The following PARD3 variants were observed in gnomAD, a reference collection of about 807,000 sequenced individuals.
PARD3 encodes partitioning defective 3 homolog.
Under a neutral mutation model 155.4 loss-of-function variants are expected in PARD3, and 75 were observed. That is an observed-to-expected ratio of 0.48 (90% CI 0.40 to 0.58). PARD3 has a LOEUF of 0.58. PARD3 is among the 20% of genes least tolerant of loss of function. PARD3 has a pLI of 0.00. For missense variants in PARD3, 1,642 were observed against 1,721.7 expected (o/e 0.95, Z 0.82); for synonymous variants, 576 against 610.5 (o/e 0.94, Z 0.83).
intron 19 of PARD3, among the ~76,000 whole-genome samples, chr10:34,328,334 G>A (rs530011992): frequency 1.2e-3 from 183 of 152,204 alleles, no homozygotes; most frequent in Non-Finnish European, 1.8e-3. Context: ...TTTTCCACAT[G>A]GGCCTCGCAA....
At chr10:34,454,267 G>A (rs2132846874) in intron 4 of PARD3, among the ~76,000 whole-genome samples, 1 of 152,006 alleles carries the variant, frequency 6.6e-6, no homozygotes, top group South Asian at 2.1e-4. Flanking sequence ...AGGACTGTAG[G>A]CCTGTAAAGC....
At chr10:34,301,367 C>T (rs183028147) in intron 20 of PARD3, among the ~76,000 whole-genome samples, 3 of 152,262 alleles carry the variant, frequency 2.0e-5, no homozygotes, top group Admixed American at 2.0e-4. Context: ...AAAACACATC[C>T]TTGCTTTAAT....
intron 5 of PARD3, among the ~76,000 whole-genome samples, chr10:34,435,038 C>T (rs1004357373): frequency 2.6e-5 from 4 of 152,096 alleles, no homozygotes; most frequent in Non-Finnish European, 4.4e-5. Context: ...TATCAGGGAA[C>T]GGTAAAAGAC....
chr10:34,407,825 C>T (rs1844649136), intron 5 of PARD3, among the ~76,000 whole-genome samples: 1 of 137,728 alleles, frequency 7.3e-6, no homozygotes, highest in Admixed American at 7.3e-5. Context: ...CAGAGTGAGT[C>T]CTTATGCCTA....
chr10:34,378,391 T>A (rs1841470323), intron 9 of PARD3, among the ~76,000 whole-genome samples: 1 of 152,158 alleles, frequency 6.6e-6, no homozygotes, highest in Non-Finnish European at 1.5e-5. Context: ...AGTTTTTAAA[T>A]CAATGTAAAT....
At chr10:34,263,251 A>G (rs2891436) in intron 22 of PARD3, among the ~76,000 whole-genome samples, 12 of 152,014 alleles carry the variant, frequency 7.9e-5, no homozygotes, top group Non-Finnish European at 1.5e-4. Context: ...GAAGTGCTTT[A>G]TATGTCATTA....
chr10:34,588,603 A>C (rs1181758501), intron 2 of PARD3, among the ~76,000 whole-genome samples: 1 of 152,124 alleles, frequency 6.6e-6, no homozygotes, highest in Admixed American at 6.5e-5. Context: ...CCTGTAAGCC[A>C]TCAGGGAGTT....
intron 1 of PARD3, among the ~76,000 whole-genome samples, chr10:34,743,627 T>G (rs959343815): frequency 2.0e-5 from 3 of 152,176 alleles, no homozygotes; most frequent in African/African-American, 7.2e-5. Context: ...AAAATCTGCT[T>G]TCTCGAGCCA....
chr10:34,265,921 G>A (rs1016403219), intron 22 of PARD3, among the ~76,000 whole-genome samples: 1 of 152,180 alleles, frequency 6.6e-6, no homozygotes, highest in Non-Finnish European at 1.5e-5. Context: ...AAAGGGATGG[G>A]CAAGACTGTG....
chr10:34,566,862 A>T (rs1022141421), intron 2 of PARD3, among the ~76,000 whole-genome samples: 2 of 152,210 alleles, frequency 1.3e-5, no homozygotes, highest in African/African-American at 4.8e-5. Context: ...ATAAGAATAT[A>T]TCTTTAAGTG....
intron 22 of PARD3, among the ~76,000 whole-genome samples, chr10:34,182,453 T>C (rs1281471724): frequency 1.3e-5 from 2 of 152,232 alleles, no homozygotes; most frequent in African/African-American, 2.4e-5. Context: ...AGAATTCATA[T>C]ACCATTGATT....
At chr10:34,490,390 CAGAGAGAGAG>C (rs57588434) in intron 3 of PARD3, among the ~76,000 whole-genome samples, 1 of 149,634 alleles carries the variant, frequency 6.7e-6, no homozygotes, top group Non-Finnish European at 1.5e-5. Flanking sequence ...GGGCACATTA[CAGAGAGAGAG>C]AGAGAGAGAC....
chr10:34,313,038 C>T (rs958148920), intron 20 of PARD3, among the ~76,000 whole-genome samples: 1 of 152,290 alleles, frequency 6.6e-6, no homozygotes, highest in Admixed American at 6.5e-5. Flanking sequence ...GGCTGCTTTC[C>T]TTTAAAAACG....
Position 34,399,362 on chromosome 10 carries a change from G to T in PARD3, c.858C>A (p.Ile286=). 6.2e-7 allele frequency: 1 copy of T among 1,611,738 alleles called. No individual in the cohort carries two copies. Among genetic ancestry groups the T allele is most frequent in the Non-Finnish European group, 8.5e-7 (1 of 1,177,900 alleles). ...CTCGAGCACTGAAAGGCACTACGTG[G>T]ATTCCCAGAGGCCCTCCATCGTTGG... ...EVPNDGGPLG[I]HVVPFSARGG... is the part of the protein sequence containing the mutation. Residue 286 remains isoleucine (I), a synonymous_variant, in exon 7 of 25, where the codon ATC becomes ATA. Transcript: ENST00000374788.
intron 1 of PARD3, among the ~76,000 whole-genome samples, chr10:34,797,440 C>CAGGTG (rs1246838652): frequency 1.3e-5 from 2 of 152,216 alleles, no homozygotes; most frequent in Non-Finnish European, 2.9e-5. Flanking sequence ...GCGTGAGGCA[C>CAGGTG]CGCACCTGGC....
At chr10:34,649,181 A>C (rs1421005038) in intron 2 of PARD3, among the ~76,000 whole-genome samples, 1 of 152,202 alleles carries the variant, frequency 6.6e-6, no homozygotes, top group Non-Finnish European at 1.5e-5. Flanking sequence ...CACAGGACTC[A>C]CACCTGTAAT....
chr10:34,374,000 A>AGCTAAGAG (rs1564640518), intron 11 of PARD3, among the ~76,000 whole-genome samples: 1 of 151,410 alleles, frequency 6.6e-6, no homozygotes, highest in East Asian at 1.9e-4. Context: ...TTTGTTTAGC[A>AGCTAAGAG]CTAAGAGCTA....
intron 2 of PARD3, among the ~76,000 whole-genome samples, chr10:34,673,467 T>G (rs2093644390): frequency 6.6e-6 from 1 of 152,202 alleles, no homozygotes; most frequent in African/African-American, 2.4e-5. Context: ...TACTTGTGGT[T>G]GGTAAAGGAA....
intron 2 of PARD3, among the ~76,000 whole-genome samples, chr10:34,529,970 A>C (rs2082731781): frequency 6.6e-6 from 1 of 152,082 alleles, no homozygotes; most frequent in East Asian, 1.9e-4. Context: ...CCTGACCTCA[A>C]GTGATCCTCC....
Sources: allele counts gnomAD v4.1 joint callset (sites outside exome capture counted in the v4.1 genomes callset), GRCh38; gene constraint gnomAD v4.1.1; transcripts MANE v1.5; gene names NCBI Gene and HGNC (gene_info 2026-07-23, HGNC 2026-07-21).